GLYATL1: variants seen among roughly 807,000 people sequenced by gnomAD.
GLYATL1 encodes the protein glycine-N-acyltransferase like 1.
Under a neutral mutation model 20.0 loss-of-function variants are expected in GLYATL1, and 15 were observed. The ratio of observed to expected loss-of-function variants is 0.75; its 90% CI spans 0.50 to 1.15. The LOEUF is 1.15. GLYATL1 is among the 50% of genes most tolerant of loss of function. GLYATL1 has a pLI of 0.00. For missense variants in GLYATL1, 380 were observed against 368.5 expected, an observed-to-expected ratio of 1.03 and a Z score of -0.26; for synonymous variants, 151 against 131.5, an observed-to-expected ratio of 1.15 and a Z score of -1.01.
At chr11:58,941,674 A>G (rs912620460) in intron 1 of GLYATL1, among the ~76,000 whole-genome samples, 1 of 152,240 alleles carries the variant, frequency 6.6e-6, no homozygotes, top group Admixed American at 6.5e-5. Flanking sequence ...TAGGTCTAAT[A>G]AGAAAACAGA....
At chr11:58,936,908 A>G (rs115503612), upstream of GLYATL1, among the ~76,000 whole-genome samples, 98 of 152,310 alleles carry the variant, frequency 6.4e-4, no homozygotes, top group African/African-American at 2.3e-3. Context: ...ACAGTTTAGC[A>G]TGACTTGTTC....
chr11:58,936,527 G>T (rs528032623), upstream of GLYATL1, among the ~76,000 whole-genome samples: 63 of 152,340 alleles, frequency 4.1e-4, no homozygotes, highest in African/African-American at 1.4e-3. Flanking sequence ...AAGGAAGAAG[G>T]CAGGTGTCTT....
chr11:58,940,944 G>A (rs991650050), intron 1 of GLYATL1, among the ~76,000 whole-genome samples: 6 of 152,174 alleles, frequency 3.9e-5, no homozygotes, highest in Non-Finnish European at 5.9e-5. Flanking sequence ...TCCAACCTAG[G>A]TGAAAGAGCG....
chr11:58,908,228 T>C (rs1220400095), exon 2 of GLYATL1: 1 of 152,236 alleles, frequency 6.6e-6, no homozygotes, highest in Non-Finnish European at 1.5e-5. Flanking sequence ...CTCCCTGAGA[T>C]ATGCCTTGGA....
At chr11:58,911,285 C>T (rs918973200), downstream of GLYATL1, among the ~76,000 whole-genome samples, 1 of 152,182 alleles carries the variant, frequency 6.6e-6, no homozygotes. Flanking sequence ...CTGTTGGGAA[C>T]ATTTGCATAC....
At chr11:58,945,914 T>C (rs2135212784) in intron 2 of GLYATL1, among the ~76,000 whole-genome samples, 1 of 152,326 alleles carries the variant, frequency 6.6e-6, no homozygotes, top group East Asian at 1.9e-4. Flanking sequence ...TAGTTTAACT[T>C]TGAGGCCTTT....
chr11:58,905,885 G>A (rs1257449599), intron 1 of GLYATL1, among the ~76,000 whole-genome samples: 18 of 152,246 alleles, frequency 1.2e-4, no homozygotes. Context: ...CAAAGTGGAT[G>A]AGAGGATGAA....
intron 1 of GLYATL1, among the ~76,000 whole-genome samples, chr11:58,921,707 G>A (rs1441014301): frequency 3.3e-5 from 5 of 152,228 alleles, no homozygotes; most frequent in Admixed American, 6.5e-5. Context: ...GAGGTCTGCC[G>A]CTGGCTAATC....
intron 1 of GLYATL1, among the ~76,000 whole-genome samples, chr11:58,921,142 G>T (rs1236478640): frequency 6.6e-6 from 1 of 152,184 alleles, no homozygotes; most frequent in Non-Finnish European, 1.5e-5. Context: ...TAATGGCTTA[G>T]GCATGAGCAA....
chr11:58,952,297 C>A (rs1217134925), intron 4 of GLYATL1, among the ~76,000 whole-genome samples: 1 of 152,136 alleles, frequency 6.6e-6, no homozygotes, highest in Non-Finnish European at 1.5e-5. Context: ...ACCTTCCAAT[C>A]AAAGCCATCC....
chr11:58,936,970 A>G (rs1236913158), upstream of GLYATL1, among the ~76,000 whole-genome samples: 16 of 152,230 alleles, frequency 1.1e-4, no homozygotes, highest in Non-Finnish European at 2.4e-4. Context: ...AAGCTTCAAG[A>G]ATCCACTTTC....
intron 1 of GLYATL1, among the ~76,000 whole-genome samples, chr11:58,915,598 A>G (rs1027827586): frequency 1.1e-4 from 16 of 152,194 alleles, no homozygotes; most frequent in African/African-American, 3.6e-4. Context: ...GACTCACCTC[A>G]GATATATTAA....
chr11:58,949,245 AAAT>A (rs1002912184), intron 4 of GLYATL1, among the ~76,000 whole-genome samples: 4 of 152,170 alleles, frequency 2.6e-5, no homozygotes, highest in African/African-American at 9.7e-5. Flanking sequence ...CTGAGCCCCC[AAAT>A]AATAATAAGC....
In GLYATL1 at chr11:58,956,061, A is replaced by G; in HGVS notation, c.*34A>G. ...GCTGCTTAGTAATCTCTGCCAAGCC[A>G]TCTCTTAATATTAAAGCAGACACCA... On this transcript the variant is annotated 3_prime_UTR_variant, in exon 7 of 7. Coordinates refer to ENST00000532726, the MANE Select transcript of GLYATL1 (RefSeq NM_001389712.2). 1.3e-6 allele frequency: 2 copies of G among 1,555,364 alleles called. No homozygotes were observed. The highest frequency in any genetic ancestry group is 1.8e-6 in the Non-Finnish European group (2 of 1,134,898).
chr11:58,905,759 C>CG, intron 1 of GLYATL1: 2 of 341,318 alleles, frequency 5.9e-6, no homozygotes, highest in Non-Finnish European at 1.2e-5. Context: ...GGCGGGTGGG[C>CG]GCGCAGTCCC....
rs1590796007 is a variant in GLYATL1 at position 58,943,765 on chromosome 11, C to T, written c.-43+99C>T. On this transcript the variant is annotated intron_variant, in intron 2 of 6. Transcript: ENST00000532726. ...CTGATCCAAACTGGGTTTGGAGTCA[C>T]AACAGGAAACAGACTGGGTCTAGGA... The T allele has an allele frequency of 4.0e-6, 6 of 1,508,762 alleles. No homozygotes were observed. The East Asian group carries it at 1.4e-4, about 35-fold the overall frequency. 93.5% of individuals were successfully genotyped at this position (1,508,762 alleles called of 1,614,324 possible). A position where few individuals can be genotyped will look rare whatever the true frequency, so the allele number is the denominator to read the frequency against.
At chr11:58,907,140 G>GT in intron 1 of GLYATL1, 1 of 372,386 alleles carries the variant, frequency 2.7e-6, no homozygotes, top group Non-Finnish European at 5.4e-6. Context: ...GCCTTGGAAA[G>GT]TTTTCTCAGC....
At chr11:58,911,108 C>G (rs1220710868), downstream of GLYATL1, among the ~76,000 whole-genome samples, 1 of 152,174 alleles carries the variant, frequency 6.6e-6, no homozygotes, top group Non-Finnish European at 1.5e-5. Flanking sequence ...TTCTTTCACT[C>G]AGAACATTCC....
chr11:58,953,158 T>C (rs554442181), intron 4 of GLYATL1, among the ~76,000 whole-genome samples: 4 of 152,322 alleles, frequency 2.6e-5, no homozygotes, highest in South Asian at 2.1e-4. Context: ...AGGCCATAAC[T>C]CTTGTCTACT....
Sources: gnomAD v4.1 joint callset for allele counts (sites outside exome capture counted in the v4.1 genomes callset) on GRCh38, gnomAD v4.1.1 for gene constraint, MANE v1.5 for transcripts, NCBI Gene and HGNC (gene_info 2026-07-23, HGNC 2026-07-21) for gene names.